Variants in NIM1K observed in about 807,000 individuals in gnomAD.
NIM1K encodes NIM1 serine/threonine protein kinase, also known as serine/threonine-protein kinase NIM1.
NIM1K carries 35 observed loss-of-function variants against 37.1 expected under a neutral mutation model. That is an observed-to-expected ratio of 0.94 (90% CI 0.72 to 1.25). The LOEUF is 1.25. NIM1K is among the 50% of genes most tolerant of loss of function. The probability of loss-of-function intolerance (pLI) is 0.00; values close to 1 mark genes in which losing one functional copy is unlikely to be tolerated. For synonymous variants in NIM1K, 234 were observed against 206.6 expected (o/e 1.13, Z -1.14); for missense variants, 564 against 548.0 (o/e 1.03, Z -0.29).
chr5:43,255,945 G>A (rs1252337203), intron 2 of NIM1K, among the ~76,000 whole-genome samples: 1 of 151,692 alleles, frequency 6.6e-6, no homozygotes, highest in Non-Finnish European at 1.5e-5. Context: ...GTGTCCAGAT[G>A]GGAGATGCCT....
At chr5:43,241,493 C>A (rs1322115954) in intron 1 of NIM1K, among the ~76,000 whole-genome samples, 1 of 151,708 alleles carries the variant, frequency 6.6e-6, no homozygotes, top group East Asian at 1.9e-4. Context: ...GTGTGCACCA[C>A]CACGCCCAGC....
At chr5:43,270,925 G>A (rs1306972345) in intron 2 of NIM1K, among the ~76,000 whole-genome samples, 1 of 152,134 alleles carries the variant, frequency 6.6e-6, no homozygotes, top group Non-Finnish European at 1.5e-5. Context: ...CAAACACCAA[G>A]TGGTATTGAT....
At chr5:43,270,436 A>T (rs538664597) in intron 2 of NIM1K, among the ~76,000 whole-genome samples, 1 of 152,354 alleles carries the variant, frequency 6.6e-6, no homozygotes, top group African/African-American at 2.4e-5. Flanking sequence ...AGATTCCAGT[A>T]GGTTGGAAGA....
rs745593482 is a variant in NIM1K at position 43,245,871 on chromosome 5, G to A, written c.96G>A (p.Glu32=). The change falls in exon 2 of 4, where the codon GAG becomes GAA. Residue 32 remains glutamate (E), a synonymous_variant. Coordinates refer to ENST00000326035, the MANE Select transcript of NIM1K (RefSeq NM_153361.4). ...GTGTAGAAAGTGGCTGTCAGACCGA[G>A]AGTAGCAAGGAGGGTGAGGAGGGAC... ...RDSVESGCQT[E]SSKEGEEGQP... is the part of the protein sequence containing the mutation. 5.0e-6 allele frequency: 8 copies of A among 1,614,022 alleles called. No individual in the cohort carries two copies. The East Asian group carries it at 1.3e-4, about 27-fold the overall frequency.
chr5:43,195,677 A>T (rs948195359), intron 1 of NIM1K, among the ~76,000 whole-genome samples: 2 of 151,882 alleles, frequency 1.3e-5, no homozygotes, highest in African/African-American at 4.8e-5. Flanking sequence ...AAAAAAAAAA[A>T]AAAGTGATTT....
intron 1 of NIM1K, among the ~76,000 whole-genome samples, chr5:43,220,593 CTT>C (rs950937312): frequency 6.6e-6 from 1 of 152,030 alleles, no homozygotes; most frequent in Non-Finnish European, 1.5e-5. Context: ...CGGTGGCTCT[CTT>C]TAATTATTTT....
intron 3 of NIM1K, 127 bp from the exon 4 acceptor site, chr5:43,279,853 A>T: frequency 1.3e-6 from 1 of 779,978 alleles, no homozygotes; most frequent in South Asian, 1.8e-5. Flanking sequence ...TGCTATCATG[A>T]CTTAAGGTGA....
intron 1 of NIM1K, among the ~76,000 whole-genome samples, chr5:43,205,959 G>A (rs1045957127): frequency 8.5e-5 from 13 of 152,112 alleles, no homozygotes; most frequent in South Asian, 2.1e-4. Flanking sequence ...TGATCCGCCC[G>A]CCTCGACCTC....
chr5:43,202,457 G>C (rs941920631), intron 1 of NIM1K, among the ~76,000 whole-genome samples: 9 of 152,146 alleles, frequency 5.9e-5, no homozygotes, highest in Non-Finnish European at 1.3e-4. Context: ...CCCTGCCACT[G>C]TCTCTTTACC....
chr5:43,226,294 C>T (rs1752455709), intron 1 of NIM1K, among the ~76,000 whole-genome samples: 1 of 152,194 alleles, frequency 6.6e-6, no homozygotes, highest in Admixed American at 6.5e-5. Flanking sequence ...TTGTTAGAAA[C>T]AAACCCTGTT....
At chr5:43,240,630 G>A (rs944231114) in intron 1 of NIM1K, among the ~76,000 whole-genome samples, 2 of 149,062 alleles carry the variant, frequency 1.3e-5, no homozygotes, top group East Asian at 2.0e-4. Context: ...GGCAACCTCC[G>A]CCTCCTGGGC....
intron 1 of NIM1K, among the ~76,000 whole-genome samples, chr5:43,228,272 G>A (rs937403372): frequency 2.6e-5 from 4 of 151,220 alleles, no homozygotes; most frequent in Admixed American, 1.3e-4. Context: ...TCAGCCTCCC[G>A]AGTAGCTGGG....
chr5:43,198,191 CTTTCTTTCTTTCTTTCTCTTTCTT>C lies in NIM1K; in HGVS notation c.-695+5782_-695+5805del, dbSNP rs1331505431. Among the ~76,000 whole-genome samples, 78 of 57,972 alleles carry C rather than the reference CTTTCTTTCTTTCTTTCTCTTTCTT, an allele frequency of 1.3e-3. 1 individual carries two copies. The highest frequency in any genetic ancestry group is 3.8e-3 in the African/African-American group (55 of 14,332). The allele number at this position is 57,972 out of a possible 152,430, so 38.0% of individuals were successfully genotyped here. On this transcript the variant is annotated intron_variant, in intron 1 of 3. Transcript: ENST00000326035. ...TCTTTCTTTCTTTCTTTCTTTCTTT[CTTTCTTTCTTTCTTTCTCTTTCTT>C]TCTTTCTTTCTTTCTTTCTTTCTTT...
At chr5:43,274,969 G>A (rs1400295140) in intron 2 of NIM1K, among the ~76,000 whole-genome samples, 6 of 152,180 alleles carry the variant, frequency 3.9e-5, no homozygotes, top group Non-Finnish European at 8.8e-5. Context: ...GTCTGGTACA[G>A]TTTGAACCAA....
intron 1 of NIM1K, chr5:43,232,568 A>C (rs1752555600): frequency 6.3e-7 from 1 of 1,578,592 alleles, no homozygotes; most frequent in Non-Finnish European, 8.6e-7. Flanking sequence ...TCTACCATGA[A>C]GACACAATCA....
At chr5:43,252,809 A>C (rs979402338) in intron 2 of NIM1K, among the ~76,000 whole-genome samples, 3 of 152,078 alleles carry the variant, frequency 2.0e-5, no homozygotes, top group Non-Finnish European at 2.9e-5. Flanking sequence ...TTTATGTCCC[A>C]TCTGTTGTCA....
intron 1 of NIM1K, among the ~76,000 whole-genome samples, chr5:43,215,308 T>C (rs907895411): frequency 3.3e-5 from 5 of 152,356 alleles, no homozygotes; most frequent in Middle Eastern, 6.8e-3. Flanking sequence ...CAGTTCCTGC[T>C]CTGGGGAGGG....
intron 1 of NIM1K, among the ~76,000 whole-genome samples, chr5:43,201,384 G>C (rs1752018247): frequency 6.9e-6 from 1 of 145,490 alleles, no homozygotes; most frequent in Admixed American, 7.2e-5. Context: ...ACTCCAGCCT[G>C]GGTGACAGAA....
intron 2 of NIM1K, among the ~76,000 whole-genome samples, chr5:43,254,463 A>G (rs1475836955): frequency 2.0e-5 from 3 of 152,222 alleles, no homozygotes; most frequent in Admixed American, 1.3e-4. Context: ...TCCTAGTTAC[A>G]AGCTCCTTGG....
Sources: allele counts gnomAD v4.1 joint callset (sites outside exome capture counted in the v4.1 genomes callset), GRCh38; gene constraint gnomAD v4.1.1; transcripts MANE v1.5; gene names NCBI Gene and HGNC (gene_info 2026-07-23, HGNC 2026-07-21).